ANAPC2: variants seen among roughly 807,000 people sequenced by gnomAD.
ANAPC2 encodes anaphase-promoting complex subunit 2.
ANAPC2 carries 29 observed loss-of-function variants against 84.3 expected under a neutral mutation model. That is an observed-to-expected ratio of 0.34 (90% confidence interval 0.26 to 0.47). The LOEUF (loss-of-function observed/expected upper bound fraction) is 0.47. Among genes scored for constraint, ANAPC2 ranks in the 20% least tolerant of loss-of-function variants. The probability of loss-of-function intolerance (pLI) is 1.00; values close to 1 mark genes in which losing one functional copy is unlikely to be tolerated. For missense variants in ANAPC2, 857 were observed against 1,131.7 expected, an observed-to-expected ratio of 0.76 and a Z score of 3.48; for synonymous variants, 571 against 479.4, an observed-to-expected ratio of 1.19 and a Z score of -2.50.
intron 10 of ANAPC2, chr9:137,177,074 T>C (rs1281066394): frequency 1.3e-5 from 2 of 152,044 alleles, no homozygotes; most frequent in African/African-American, 4.8e-5. Flanking sequence ...CAGGGACAGG[T>C]GGGGCCTCCG....
chr9:137,176,299 G>T (rs954696484), intron 10 of ANAPC2: 6 of 158,392 alleles, frequency 3.8e-5, no homozygotes, highest in Admixed American at 3.1e-4. Flanking sequence ...GAAGCTGGGG[G>T]GCAACGGAGG....
At chr9:137,178,127 C>CA (rs1834263804) in intron 10 of ANAPC2, among the ~76,000 whole-genome samples, 1 of 152,354 alleles carries the variant, frequency 6.6e-6, no homozygotes, top group Admixed American at 6.5e-5. Context: ...CTAATGGAAA[C>CA]AAACCCCTCT....
In ANAPC2 at chr9:137,187,626, G is replaced by C. The variant is rs771103974; in HGVS notation, c.595C>G (p.Leu199Val). 12 of 1,613,972 alleles carry C rather than the reference G, an allele frequency of 7.4e-6. No individual in the cohort carries two copies. The South Asian group carries it at 1.2e-4, about 16-fold the overall frequency. Residue 199 changes from leucine (L) to valine (V), a missense_variant, in exon 2 of 13, where the codon CTG (leucine) becomes GTG (valine). By Grantham distance (32) the Leu-to-Val change is conservative. Around this residue, in one of 3 missense-constraint regions of ANAPC2, gnomAD observed 428 missense variants for 513.8 expected, o/e 0.83. Transcript: ENST00000323927. ...TACCGGCTGTCCAGCTCCCCTTCCAGTTCCGGGTCTGTGCCCCCTTCCCCC... is the reference window on the plus strand; with the variant it reads ...TACCGGCTGTCCAGCTCCCCTTCCACTTCCGGGTCTGTGCCCCCTTCCCCC... ...RKGEGGTDPE[L>V]EGELDSRYAR...
At position 137,187,815 on chromosome 9, in the gene ANAPC2, T is replaced by C; in HGVS notation, c.406A>G (p.Thr136Ala). The change falls in exon 2 of 13, where the codon ACT becomes GCT. Residue 136 changes from threonine to alanine, a missense_variant. Around this residue, in one of 3 missense-constraint regions of ANAPC2, gnomAD observed 428 missense variants for 513.8 expected, o/e 0.83. Transcript: ENST00000323927. ...GTGCCCATCAGCAAGCCCAGGCGAG[T>C]CCATTTCTCCAGCAGCTCTAGGCTA... The part of the protein sequence containing the change: ...LRSLELLEKW[T>A]RLGLLMGTGA... The C allele has an allele frequency of 6.2e-7, 1 of 1,613,436 alleles. No individual in the cohort carries two copies. Among genetic ancestry groups the C allele is most frequent in the Non-Finnish European group, 8.5e-7 (1 of 1,180,008 alleles).
rs1472105469 is a variant in ANAPC2, at chr9:137,180,280, G to A, written c.1791C>T (p.Ser597=). 4 of 1,613,616 alleles carry A rather than the reference G, an allele frequency of 2.5e-6. No individual in the cohort carries two copies. In the African/African-American group the frequency reaches 5.3e-5, roughly 22 times the overall value. Residue 597 remains serine, a synonymous_variant, in exon 10 of 13, where the codon TCC becomes TCT. Coordinates refer to ENST00000323927, the MANE Select transcript of ANAPC2 (RefSeq NM_013366.4). ...CCTTGAAGGGCGGCCAGAACTCACT[G>A]GACAGGATGACAGCGTAGACCCCGA... ...PPFGVYAVIL[S]SEFWPPFKDE...
intron 10 of ANAPC2, among the ~76,000 whole-genome samples, chr9:137,179,824 G>A (rs1467537235): frequency 3.9e-5 from 6 of 152,238 alleles, no homozygotes; most frequent in East Asian, 3.9e-4. Flanking sequence ...CCCAAGCCCC[G>A]GTTCTGAGAG....
In ANAPC2 at chr9:137,182,009, C is replaced by A; in HGVS notation, c.1287-147G>T. 9.7e-6 allele frequency: 8 copies of A among 821,004 alleles called. No homozygotes were observed. The South Asian group carries it at 1.5e-4, about 15-fold the overall frequency. The allele number at this position is 821,004 out of a possible 1,614,324, so 50.9% of individuals were successfully genotyped here. ...TGATGGGCTATGTACTAAACACAGG[C>A]CCGTCAGACTCCTTAAAAACAAATA... On this transcript the variant is annotated intron_variant, in intron 6 of 12. Transcript: ENST00000323927.
intron 1 of ANAPC2, 68 bp from the exon 2 acceptor site, chr9:137,188,171 G>C: frequency 1.3e-6 from 2 of 1,545,164 alleles, no homozygotes; most frequent in South Asian, 2.4e-5. Context: ...GGGAAGGGAA[G>C]AAGCTGAGGG....
chr9:137,175,843 G>C lies in ANAPC2; in HGVS notation c.1891-6C>G, dbSNP rs867303943. 6.2e-7 allele frequency: 1 copy of C among 1,601,192 alleles called. No homozygotes were observed. The highest frequency in any genetic ancestry group is 1.3e-5 in the African/African-American group (1 of 74,816). ...CAACTGAGGGTCCGCATGGCCTAAGGAGGGCCAGGGTCAGCACGGGCAGCT... is the reference window on the plus strand; with the variant it reads ...CAACTGAGGGTCCGCATGGCCTAAGCAGGGCCAGGGTCAGCACGGGCAGCT... On this transcript the variant is annotated splice_region_variant and splice_polypyrimidine_tract_variant and intron_variant, in intron 10 of 12. Coordinates refer to ENST00000323927, the MANE Select transcript of ANAPC2 (RefSeq NM_013366.4).
At chr9:137,185,545 G>A (rs1352415833) in intron 3 of ANAPC2, among the ~76,000 whole-genome samples, 15 of 152,214 alleles carry the variant, frequency 9.9e-5, no homozygotes, top group Admixed American at 6.5e-4. Flanking sequence ...AAGACCGCAC[G>A]GATGTTCACC....
chr9:137,186,109 G>T, intron 3 of ANAPC2, 115 bp downstream of exon 3: 1 of 1,463,742 alleles, frequency 6.8e-7, no homozygotes, highest in Non-Finnish European at 9.3e-7. Context: ...CCACCACCCG[G>T]TCTGGGCCCA....
intron 2 of ANAPC2, chr9:137,186,691 C>T (rs1017807904): frequency 2.4e-5 from 8 of 331,204 alleles, no homozygotes; most frequent in East Asian, 1.0e-4. Context: ...AACTCTGAAA[C>T]GACAACCAAC....
chr9:137,180,660 C>T, intron 8 of ANAPC2, 128 bp downstream of exon 8: 8 of 1,563,860 alleles, frequency 5.1e-6, no homozygotes, highest in Non-Finnish European at 8.7e-7. Context: ...AGCACACCCC[C>T]AGCCAGGAGT....
intron 2 of ANAPC2, chr9:137,187,027 A>T: frequency 5.6e-6 from 1 of 177,972 alleles, no homozygotes; most frequent in South Asian, 1.3e-4. Flanking sequence ...CTCTCACAAC[A>T]AACCCCTCTC....
Position 137,187,718 on chromosome 9 carries a change from G to T in ANAPC2, c.503C>A (p.Thr168Asn). Residue 168 changes from threonine (T) to asparagine (N), a missense_variant, in exon 2 of 13, where the codon ACC (threonine) becomes AAC (asparagine). Transcript: ENST00000323927. ...RGVLFFSTPRTFQEMIQRLYG... is the reference protein window; with the variant it reads ...RGVLFFSTPRNFQEMIQRLYG... ...CAGACGCTGGATCATCTCTTGGAAGGTTCTGGGGGTGCTAAAGAACAAGAC... is the reference window on the plus strand; with the variant it reads ...CAGACGCTGGATCATCTCTTGGAAGTTTCTGGGGGTGCTAAAGAACAAGAC... The T allele has an allele frequency of 6.2e-7, 1 of 1,613,944 alleles. No homozygotes were observed. The highest frequency in any genetic ancestry group is 8.5e-7 in the Non-Finnish European group (1 of 1,180,022).
chr9:137,187,789 A>G lies in ANAPC2; in HGVS notation c.432T>C (p.Thr144=). The G allele has an allele frequency of 6.2e-7, 1 of 1,613,682 alleles. No homozygotes were observed. Among genetic ancestry groups the G allele is most frequent in the African/African-American group, 1.3e-5 (1 of 75,070 alleles). Residue 144 remains threonine (T), a synonymous_variant, in exon 2 of 13, where the codon ACT becomes ACC. Coordinates refer to ENST00000323927, the MANE Select transcript of ANAPC2 (RefSeq NM_013366.4). ...CTTCTTCTCGCAGCCCCTGAGCACCAGTGCCCATCAGCAAGCCCAGGCGAG... is the reference window on the plus strand; with the variant it reads ...CTTCTTCTCGCAGCCCCTGAGCACCGGTGCCCATCAGCAAGCCCAGGCGAG... ...KWTRLGLLMG[T]GAQGLREEVH... is the part of the protein sequence containing the mutation.
At chr9:137,185,595 G>A (rs1228973540) in intron 3 of ANAPC2, among the ~76,000 whole-genome samples, 1 of 152,212 alleles carries the variant, frequency 6.6e-6, no homozygotes, top group Non-Finnish European at 1.5e-5. Context: ...CCGCTTTGGG[G>A]ACACCCTCCC....
At chr9:137,181,889 C>T (rs1834351161) in intron 6 of ANAPC2, 27 bp from the exon 7 acceptor site, 1 of 1,588,110 alleles carries the variant, frequency 6.3e-7, no homozygotes, top group African/African-American at 1.3e-5. Flanking sequence ...TGCTGTGGCC[C>T]ACAGTGTGGA....
At chr9:137,183,840 C>T (rs1367080080) in intron 4 of ANAPC2, 49 bp from the exon 5 acceptor site, 9 of 1,601,206 alleles carry the variant, frequency 5.6e-6, no homozygotes, top group Non-Finnish European at 6.8e-6. Flanking sequence ...TGCGTGCGCA[C>T]GTGCAGGCTG....
Sources: gnomAD v4.1 joint callset for allele counts (sites outside exome capture counted in the v4.1 genomes callset) on GRCh38, gnomAD v4.1.1 for gene constraint, gnomAD v4.1.1 regional missense constraint, MANE v1.5 for transcripts, NCBI Gene and HGNC (gene_info 2026-07-23, HGNC 2026-07-21) for gene names.